Variants in ETS1 observed in about 807,000 individuals in gnomAD.
ETS1 encodes the protein protein C-ets-1.
A neutral mutation model predicts 58.6 loss-of-function variants in ETS1; 15 were observed. That is an observed-to-expected ratio of 0.26 (90% CI 0.17 to 0.39). The LOEUF (loss-of-function observed/expected upper bound fraction) is 0.39, where lower values mean the gene tolerates loss of function less well. Ranked by LOEUF, ETS1 falls within the 10% of genes least tolerant of loss-of-function variation. The probability of loss-of-function intolerance (pLI) is 1.00; values close to 1 mark genes in which losing one functional copy is unlikely to be tolerated. For missense variants in ETS1, 417 were observed against 610.5 expected (o/e 0.68, Z 3.34); for synonymous variants, 214 against 218.2 (o/e 0.98, Z 0.17).
At chr11:128,485,977 A>C (rs999934625) in intron 6 of ETS1, 92 bp downstream of exon 6, 2 of 750,594 alleles carry the variant, frequency 2.7e-6, no homozygotes, top group Non-Finnish European at 2.4e-6. Context: ...TTTTTGATAG[A>C]ATTACCATGA....
intron 3 of ETS1, chr11:128,522,020 G>A: frequency 6.4e-7 from 1 of 1,568,928 alleles, no homozygotes; most frequent in Non-Finnish European, 8.7e-7. Context: ...GGACGTACGG[G>A]ATGGTAGCAA....
At chr11:128,576,680 C>T (rs140598254) in intron 1 of ETS1, among the ~76,000 whole-genome samples, 3 of 151,952 alleles carry the variant, frequency 2.0e-5, no homozygotes, top group Non-Finnish European at 2.9e-5. Flanking sequence ...CTTGCTGTGC[C>T]CCCCCATGCT....
chr11:128,552,716 G>C (rs1864250707), intron 3 of ETS1, among the ~76,000 whole-genome samples: 1 of 90,454 alleles, frequency 1.1e-5, no homozygotes. Context: ...GCATTGATGG[G>C]ATGGACGAGG....
In ETS1 at chr11:128,464,266, T is replaced by C. The variant is rs527391687; in HGVS notation, c.1124-639A>G. On this transcript the variant is annotated intron_variant, in intron 8 of 9. Coordinates refer to ENST00000392668, the MANE Select transcript of ETS1 (RefSeq NM_001143820.2). The surrounding 1 kb of genome is among the most constrained non-coding windows in gnomAD (Gnocchi z 4.1). ...AAAAAAAAAAAAGCATCATTACTAT[T>C]TGAGGAATTAACGTGCCACCCAGAA... Among the ~76,000 whole-genome samples the C allele has an allele frequency of 1.3e-5, 2 of 150,960 alleles. No individual in the cohort carries two copies. The highest frequency in any genetic ancestry group is 4.2e-4 in the South Asian group (2 of 4,760).
At chr11:128,471,713 T>C (rs1862192411) in intron 8 of ETS1, among the ~76,000 whole-genome samples, 1 of 152,042 alleles carries the variant, frequency 6.6e-6, no homozygotes, top group Non-Finnish European at 1.5e-5. Context: ...AAAGAAAAGG[T>C]TTTTCCAGCC....
chr11:128,545,956 A>G (rs1479141285), intron 3 of ETS1, among the ~76,000 whole-genome samples: 1 of 152,216 alleles, frequency 6.6e-6, no homozygotes, highest in Non-Finnish European at 1.5e-5. Flanking sequence ...ACTTTCTGTT[A>G]TTTCTAATCT....
Position 128,491,113 on chromosome 11 carries a change from C to T in ETS1, c.215-537G>A, listed in dbSNP as rs545452580. 2.4e-3 allele frequency among the ~76,000 whole-genome samples: 371 copies of T among 152,258 alleles called. 1 individual carries two copies. Among genetic ancestry groups the T allele is most frequent in the African/African-American group, 8.5e-3 (355 of 41,540 alleles). ...AAATATGTTTACTCTTCCTGAACAC[C>T]TCTACTAGTTTATACACAGTCCCTG... On this transcript the variant is annotated intron_variant, in intron 3 of 9. Coordinates refer to ENST00000392668, the MANE Select transcript of ETS1 (RefSeq NM_001143820.2).
chr11:128,581,821 C>G (rs927811389), intron 1 of ETS1, among the ~76,000 whole-genome samples: 2 of 152,092 alleles, frequency 1.3e-5, no homozygotes, highest in African/African-American at 4.8e-5. Context: ...GGCTCTGGCT[C>G]TAAAGGAATT....
At chr11:128,526,424 G>C (rs931538358) in intron 3 of ETS1, 5 of 156,752 alleles carry the variant, frequency 3.2e-5, no homozygotes, top group Non-Finnish European at 2.8e-5. Flanking sequence ...GATAATGTAT[G>C]CAAAGAATTT....
intron 2 of ETS1, among the ~76,000 whole-genome samples, chr11:128,569,241 A>G (rs924167965): frequency 5.1e-5 from 7 of 136,444 alleles, no homozygotes; most frequent in African/African-American, 2.0e-4. Flanking sequence ...GGACAAAAGC[A>G]CCCCCTACTG....
At chr11:128,512,866 A>G (rs1222223482) in intron 3 of ETS1, among the ~76,000 whole-genome samples, 1 of 152,230 alleles carries the variant, frequency 6.6e-6, no homozygotes, top group Non-Finnish European at 1.5e-5. Context: ...TAAGCTCATC[A>G]CTCAGCCCAC....
At chr11:128,492,452 C>T (rs752794653) in intron 3 of ETS1, among the ~76,000 whole-genome samples, 3 of 152,150 alleles carry the variant, frequency 2.0e-5, no homozygotes, top group Non-Finnish European at 4.4e-5. Flanking sequence ...GAAGGGCTCC[C>T]TAGCTGCTCT....
chr11:128,577,915 CAA>C (rs543543374), intron 1 of ETS1, among the ~76,000 whole-genome samples: 15 of 133,692 alleles, frequency 1.1e-4, no homozygotes, highest in South Asian at 2.4e-4. Flanking sequence ...GCCAAAAAGC[CAA>C]AAAAAAAAAA....
At chr11:128,571,501 CAAAAAAAAAAAAAAAAAAAAAAAAAAA>C (rs563312769) in intron 2 of ETS1, among the ~76,000 whole-genome samples, 1 of 32,880 alleles carries the variant, frequency 3.0e-5, no homozygotes, top group Non-Finnish European at 5.1e-5. Flanking sequence ...AAGACTCCGT[CAAAAAAAAAAAAAAAAAAAAAAAAAAA>C]AAAAAAAAAA....
intron 3 of ETS1, among the ~76,000 whole-genome samples, chr11:128,497,206 A>G (rs961493088): frequency 1.4e-4 from 21 of 152,318 alleles, no homozygotes; most frequent in African/African-American, 4.8e-4. Flanking sequence ...CTGACTGACC[A>G]AAAATGCAAG....
chr11:128,497,867 G>A (rs3924289), intron 3 of ETS1, among the ~76,000 whole-genome samples: 22,903 of 151,918 alleles, frequency 0.15, 1,920 homozygotes, highest in Middle Eastern at 0.32. Flanking sequence ...AGGCTCTTCC[G>A]TTCCAGGATC....
intron 3 of ETS1, among the ~76,000 whole-genome samples, chr11:128,551,288 C>T (rs1864225261): frequency 6.6e-6 from 1 of 152,196 alleles, no homozygotes. Flanking sequence ...TTGGAGGCAT[C>T]TGTGCTTCCT....
intron 3 of ETS1, among the ~76,000 whole-genome samples, chr11:128,519,434 C>G (rs1863606147): frequency 6.6e-6 from 1 of 152,204 alleles, no homozygotes; most frequent in Non-Finnish European, 1.5e-5. Flanking sequence ...ACATAAGAAA[C>G]TAAGCAACCC....
intron 3 of ETS1, among the ~76,000 whole-genome samples, chr11:128,540,783 G>T (rs1864045752): frequency 6.6e-6 from 1 of 152,228 alleles, no homozygotes; most frequent in African/African-American, 2.4e-5. Context: ...CCAGGAATGG[G>T]ATATTTCATT....
Sources: allele counts gnomAD v4.1 joint callset (sites outside exome capture counted in the v4.1 genomes callset), GRCh38; gene constraint gnomAD v4.1.1; non-coding constraint Gnocchi (gnomAD v3.1); transcripts MANE v1.5; gene names NCBI Gene and HGNC (gene_info 2026-07-23, HGNC 2026-07-21).